Variants in LRRC37B observed in about 807,000 individuals in gnomAD.
The protein encoded by LRRC37B is leucine rich repeat containing 37B, also known as leucine-rich repeat-containing protein 37B.
A neutral mutation model predicts 98.3 loss-of-function variants in LRRC37B; 28 were observed. The ratio of observed to expected loss-of-function variants is 0.28; its 90% CI spans 0.21 to 0.39. LRRC37B has a LOEUF of 0.39. Among genes scored for constraint, LRRC37B ranks in the 10% least tolerant of loss-of-function variants. The pLI is 1.00. For synonymous variants in LRRC37B, 364 were observed against 442.7 expected (o/e 0.82, Z 2.23); for missense variants, 938 against 1,182.7 (o/e 0.79, Z 3.03).
At chr17:32,029,732 C>T in intron 3 of LRRC37B, among the ~76,000 whole-genome samples, 1 of 152,170 alleles carries the variant, frequency 6.6e-6, no homozygotes, top group Non-Finnish European at 1.5e-5. Flanking sequence ...GCCAGATCTT[C>T]CAGGGCTTTG....
intron 7 of LRRC37B, among the ~76,000 whole-genome samples, chr17:32,037,584 T>C (rs1911283104): frequency 6.6e-6 from 1 of 152,192 alleles, no homozygotes; most frequent in Non-Finnish European, 1.5e-5. Context: ...CAGATTCTTA[T>C]ATTTGAGTTT....
chr17:32,009,643 A>T (rs1910484176), intron 1 of LRRC37B, among the ~76,000 whole-genome samples: 1 of 150,390 alleles, frequency 6.6e-6, no homozygotes. Flanking sequence ...CTTTTATTTT[A>T]TTTTTTTAAG....
intron 7 of LRRC37B, chr17:32,036,379 C>T (rs1240012467): frequency 4.6e-5 from 7 of 152,018 alleles, no homozygotes; most frequent in Non-Finnish European, 1.5e-5. Flanking sequence ...TCTACATGTT[C>T]CTCATCCATG....
chr17:32,047,766 G>A (rs1033732404), exon 9 of LRRC37B: 10 of 1,614,000 alleles, frequency 6.2e-6, no homozygotes, highest in Non-Finnish European at 8.5e-6. Context: ...GACAGCTGAA[G>A]AAGCATCTGT....
intron 1 of LRRC37B, among the ~76,000 whole-genome samples, chr17:32,009,108 T>G (rs1910472789): frequency 1.3e-5 from 2 of 152,108 alleles, no homozygotes; most frequent in African/African-American, 2.4e-5. Context: ...TTGTCAGTTT[T>G]TGTTGGTTTT....
At chr17:32,022,655 G>A in exon 1 of LRRC37B, 1 of 1,613,988 alleles carries the variant, frequency 6.2e-7, no homozygotes, top group Non-Finnish European at 8.5e-7. Flanking sequence ...ATTCATTGGT[G>A]CAGTCTGAAA....
chr17:32,039,546 C>CTA (rs1304973227), intron 7 of LRRC37B, among the ~76,000 whole-genome samples: 4 of 76,542 alleles, frequency 5.2e-5, no homozygotes, highest in African/African-American at 1.2e-4. Flanking sequence ...ATATATATTT[C>CTA]TATATATATA....
At chr17:32,049,955 T>A (rs752694410) in intron 10 of LRRC37B, 48 bp from the exon 14 acceptor site, 1 of 1,196,516 alleles carries the variant, frequency 8.4e-7, no homozygotes. Context: ...CTCTCTCTCT[T>A]TTTTTTTAAT....
upstream of LRRC37B, chr17:32,016,966 C>T (rs897721339): frequency 2.6e-5 from 4 of 152,100 alleles, no homozygotes; most frequent in African/African-American, 9.7e-5. Context: ...TTGAAGATAA[C>T]TTCTGGAATT....
exon 1 of LRRC37B, chr17:32,022,219 A>C (rs763405968): frequency 8.1e-6 from 13 of 1,613,040 alleles, no homozygotes; most frequent in Non-Finnish European, 1.1e-5. Context: ...GAGCCTAAAA[A>C]TGAGACAGAA....
intron 5 of LRRC37B, 137 bp from the exon 9 acceptor site, chr17:32,034,773 T>TAA: frequency 1.6e-6 from 1 of 619,100 alleles, no homozygotes; most frequent in East Asian, 3.2e-5. Context: ...TTATGGAGTC[T>TAA]AATGGTGATT....
chr17:32,037,591 G>A (rs72825746), intron 7 of LRRC37B, among the ~76,000 whole-genome samples: 14,945 of 152,154 alleles, frequency 0.098, 1,006 homozygotes, highest in Middle Eastern at 0.15. Flanking sequence ...TTATATTTGA[G>A]TTTTTAAAGA....
chr17:32,041,800 A>C, intron 7 of LRRC37B: 1 of 458,058 alleles, frequency 2.2e-6, no homozygotes, highest in Non-Finnish European at 4.4e-6. Flanking sequence ...CTGCTCCCCA[A>C]CTCCTCACCC....
exon 1 of LRRC37B, chr17:32,022,311 C>G (rs201490924): frequency 6.2e-7 from 1 of 1,613,922 alleles, no homozygotes; most frequent in South Asian, 1.1e-5. Flanking sequence ...GACTACAGAT[C>G]CTCCTCCAGA....
chr17:32,037,965 A>C (rs368550937), intron 7 of LRRC37B, among the ~76,000 whole-genome samples: 10 of 151,436 alleles, frequency 6.6e-5, no homozygotes, highest in African/African-American at 1.9e-4. Context: ...CACACACACA[A>C]ACACACACAC....
intron 1 of LRRC37B, among the ~76,000 whole-genome samples, chr17:32,012,510 A>T (rs1910545823): frequency 6.6e-6 from 1 of 151,582 alleles, no homozygotes; most frequent in Non-Finnish European, 1.5e-5. Context: ...TGAGGTCAGG[A>T]GTTCAAGACC....
intron 2 of LRRC37B, among the ~76,000 whole-genome samples, chr17:32,026,945 C>G (rs1192832823): frequency 6.6e-6 from 1 of 152,200 alleles, no homozygotes; most frequent in Non-Finnish European, 1.5e-5. Context: ...AATCCCAACA[C>G]TTTGGGAGGC....
chr17:32,048,039 G>C, intron 9 of LRRC37B, 138 bp downstream of exon 12: 1 of 1,432,578 alleles, frequency 7.0e-7, no homozygotes, highest in Non-Finnish European at 9.8e-7. Context: ...AAATGTACAA[G>C]ATGGAGATAG....
upstream of LRRC37B, among the ~76,000 whole-genome samples, chr17:32,020,474 G>T (rs1488200787): frequency 6.6e-6 from 1 of 152,090 alleles, no homozygotes; most frequent in African/African-American, 2.4e-5. Context: ...GCAAAGGGCT[G>T]TTCCCTCGGA....
Sources: gnomAD v4.1 joint callset for allele counts (sites outside exome capture counted in the v4.1 genomes callset) on GRCh38, gnomAD v4.1.1 for gene constraint, MANE v1.5 for transcripts, NCBI Gene and HGNC (gene_info 2026-07-23, HGNC 2026-07-21) for gene names.